The following DHX16 variants were observed in gnomAD, a reference collection of about 807,000 sequenced individuals.
DHX16 encodes the protein DEAH-box helicase 16.
In DHX16, 81 loss-of-function variants were observed where a neutral mutation model predicts 131.2. That is an observed-to-expected ratio of 0.62 (90% CI 0.52 to 0.74). The LOEUF is 0.74. Ranked by LOEUF, DHX16 falls within the 30% of genes least tolerant of loss-of-function variation. DHX16 has a pLI of 0.00. For synonymous variants in DHX16, 440 were observed against 520.2 expected (o/e 0.85, Z 2.10); for missense variants, 980 against 1,363.1 (o/e 0.72, Z 4.43).
In DHX16 at chr6:30,665,731, G is replaced by T; in HGVS notation, c.669C>A (p.Val223=). 6.2e-7 allele frequency: 1 copy of T among 1,608,342 alleles called. No homozygotes were observed. Residue 223 remains valine (V), a splice_region_variant and synonymous_variant, in exon 5 of 20, where the codon GTC becomes GTA. Transcript: ENST00000376442. This position sits in a 1 kb window ranked among gnomAD's most constrained non-coding sequence, Gnocchi z 4.8. ...GGCGAGATTTCTTCCGCAGCTCAGG[G>T]ACCTGAGTTGGGAAAGGACAGTCGA... is the stretch of plus-strand genomic sequence containing the variant. ...KMAEEDRKAM[V]PELRKKSRRE...
rs1168394672 is a variant in DHX16 at position 30,662,076 on chromosome 6, G to A, written c.1544+551C>T. On this transcript the variant is annotated intron_variant, in intron 9 of 19. Coordinates refer to ENST00000376442, the MANE Select transcript of DHX16 (RefSeq NM_003587.5). This position sits in a 1 kb window ranked among gnomAD's most constrained non-coding sequence, Gnocchi z 4.7. ...CCTGCTTGGCCATTTCCAGCACTAA[G>A]AGCTCATTATTCACAGACCAAGCTA... 1.8e-6 allele frequency: 1 copy of A among 569,380 alleles called. No homozygotes were observed. The highest frequency in any genetic ancestry group is 1.9e-5 in the African/African-American group (1 of 53,172). The allele number at this position is 569,380 out of a possible 1,614,324, so 35.3% of individuals were successfully genotyped here.
rs377376289 is a variant in DHX16 at position 30,665,585 on chromosome 6, T to C, written c.815A>G (p.Tyr272Cys). ...GGCGAGATCCCGCACTCGCCGCTTA[T>C]ATTTGAGCTCCTGCCGCTCGTGCCG... is the stretch of plus-strand genomic sequence containing the variant. Reference protein sequence around the residue: ...LSRHERQELKYKRRVRDLARE... With the variant: ...LSRHERQELKCKRRVRDLARE... The change falls in exon 5 of 20, where the codon TAT (tyrosine) becomes TGT (cysteine). Residue 272 changes from tyrosine to cysteine, a missense_variant. Around this residue, in one of 3 missense-constraint regions of DHX16, gnomAD observed 457 missense variants for 554.8 expected, o/e 0.82. Coordinates refer to ENST00000376442, the MANE Select transcript of DHX16 (RefSeq NM_003587.5). This position sits in a 1 kb window ranked among gnomAD's most constrained non-coding sequence, Gnocchi z 4.8. The C allele has an allele frequency of 6.8e-6, 11 of 1,612,910 alleles. No individual in the cohort carries two copies. The highest frequency in any genetic ancestry group is 8.5e-7 in the Non-Finnish European group (1 of 1,180,040).
chr6:30,658,630 G>A (rs982127531), intron 12 of DHX16, among the ~76,000 whole-genome samples: 5 of 151,502 alleles, frequency 3.3e-5, no homozygotes, highest in Non-Finnish European at 7.4e-5. Flanking sequence ...AGAATCACTT[G>A]AGCCTGGGAG....
intron 4 of DHX16, among the ~76,000 whole-genome samples, chr6:30,667,714 G>C (rs1200533031): frequency 2.0e-5 from 3 of 151,908 alleles, no homozygotes; most frequent in African/African-American, 7.3e-5. Context: ...CTAATATATA[G>C]ATACACAACT....
Position 30,670,447 on chromosome 6 carries a change from T to C in DHX16, c.629A>G (p.Lys210Arg). 6.2e-7 allele frequency: 1 copy of C among 1,611,464 alleles called. No individual in the cohort carries two copies. Among genetic ancestry groups the C allele is most frequent in the South Asian group, 1.1e-5 (1 of 90,648 alleles). Residue 210 changes from lysine (K) to arginine (R), a missense_variant, in exon 4 of 20, where the codon AAG becomes AGG. Lys to Arg is a conservative substitution (Grantham distance 26). Around this residue, in one of 3 missense-constraint regions of DHX16, gnomAD observed 457 missense variants for 554.8 expected, o/e 0.82. Coordinates refer to ENST00000376442, the MANE Select transcript of DHX16 (RefSeq NM_003587.5). The surrounding 1 kb of genome is among the most constrained non-coding windows in gnomAD (Gnocchi z 4.4). Reference sequence around the variant, plus strand: ...GTCTTCCTCGGCCATCTTGAGGCGCTTCTGAGCCTCTTCATAAGCCTAGAA... The same window carrying C: ...GTCTTCCTCGGCCATCTTGAGGCGCCTCTGAGCCTCTTCATAAGCCTAGAA... Reference protein sequence around the residue: ...SDKKAYEEAQKRLKMAEEDRK... With the variant: ...SDKKAYEEAQRRLKMAEEDRK...
At position 30,665,884 on chromosome 6, in the gene DHX16, C is replaced by A. The variant is rs1769001194; in HGVS notation, c.667-151G>T. The A allele has an allele frequency of 2.1e-6, 2 of 967,642 alleles. No individual in the cohort carries two copies. Among genetic ancestry groups the A allele is most frequent in the African/African-American group, 1.7e-5 (1 of 60,512 alleles). 59.9% of individuals were successfully genotyped at this position (967,642 alleles called of 1,614,324 possible). ...TTCCCTCTGCAATGCACAACCAAAA[C>A]AATGACATACTCAAATCTGGGCCTC... On this transcript the variant is annotated intron_variant, in intron 4 of 19. Transcript: ENST00000376442. The surrounding 1 kb of genome is among the most constrained non-coding windows in gnomAD (Gnocchi z 4.8).
intron 7 of DHX16, 145 bp downstream of exon 7, chr6:30,664,656 T>G: frequency 1.4e-6 from 1 of 711,666 alleles, no homozygotes; most frequent in Non-Finnish European, 2.3e-6. Flanking sequence ...GTGAAAAGGG[T>G]ATGGTCTTTA....
Position 30,664,603 on chromosome 6 carries a change from C to T in DHX16, c.1317+198G>A, listed in dbSNP as rs565908993. Among the ~76,000 whole-genome samples the T allele has an allele frequency of 3.9e-5, 6 of 152,274 alleles. No individual in the cohort carries two copies. The South Asian group carries it at 1.0e-3, about 26-fold the overall frequency. On this transcript the variant is annotated intron_variant, in intron 7 of 19. Coordinates refer to ENST00000376442, the MANE Select transcript of DHX16 (RefSeq NM_003587.5). Reference sequence around the variant, plus strand: ...GCCCCACTCCACCTATCCATCTACCCGTCCTTCCAAATGAAATGAATGCAG... The same window carrying T: ...GCCCCACTCCACCTATCCATCTACCTGTCCTTCCAAATGAAATGAATGCAG...
chr6:30,665,741 G>A lies in DHX16; in HGVS notation c.667-8C>T. The A allele has an allele frequency of 1.2e-6, 2 of 1,606,580 alleles. No individual in the cohort carries two copies. Among genetic ancestry groups the A allele is most frequent in the South Asian group, 1.1e-5 (1 of 91,054 alleles). The stretch of plus-strand genomic sequence containing the variant: ...CTTCCGCAGCTCAGGGACCTGAGTT[G>A]GGAAAGGACAGTCGAATCCTCATCT... On this transcript the variant is annotated splice_polypyrimidine_tract_variant and splice_region_variant and intron_variant, in intron 4 of 19. Coordinates refer to ENST00000376442, the MANE Select transcript of DHX16 (RefSeq NM_003587.5). The surrounding 1 kb of genome is among the most constrained non-coding windows in gnomAD (Gnocchi z 4.8).
At position 30,656,763 on chromosome 6, in the gene DHX16, GAAAGAAA is replaced by G. The variant is rs765648137; in HGVS notation, c.2149-11_2149-5del. The G allele has an allele frequency of 6.2e-7, 1 of 1,611,816 alleles. No homozygotes were observed. The highest frequency in any genetic ancestry group is 2.2e-5 in the East Asian group (1 of 44,888). On this transcript the variant is annotated splice_polypyrimidine_tract_variant and splice_region_variant and intron_variant, in intron 13 of 19. Transcript: ENST00000376442. The surrounding 1 kb of genome is among the most constrained non-coding windows in gnomAD (Gnocchi z 5.1). The stretch of plus-strand genomic sequence containing the variant: ...CAGCTCGCTGATTGGCTGAGGCCTG[GAAAGAAA>G]GGGGAACAGGCTGGCTGACAATTTG...
Position 30,654,689 on chromosome 6 carries a change from C to A in DHX16, c.2997+17G>T, listed in dbSNP as rs1354116889. On this transcript the variant is annotated intron_variant, in intron 19 of 19. Coordinates refer to ENST00000376442, the MANE Select transcript of DHX16 (RefSeq NM_003587.5). ...TACATAGTCTCCACCTGCGTGGGCACAGGATGTTCTCCTCACCTGTCTCAT... is the reference window on the plus strand; with the variant it reads ...TACATAGTCTCCACCTGCGTGGGCAAAGGATGTTCTCCTCACCTGTCTCAT... 3 of 1,604,574 alleles carry A rather than the reference C, an allele frequency of 1.9e-6. No homozygotes were observed. The highest frequency in any genetic ancestry group is 2.6e-6 in the Non-Finnish European group (3 of 1,175,438).
rs781655072 is a variant in DHX16, at chr6:30,662,598, G to A, written c.1544+29C>T. ...GGCTGAATTGGCTGGGTGGGAAGAA[G>A]GGAGAGAAAGGCCAGAGATTAGAGA... On this transcript the variant is annotated intron_variant, in intron 9 of 19. Transcript: ENST00000376442. This position sits in a 1 kb window ranked among gnomAD's most constrained non-coding sequence, Gnocchi z 4.7. 6.4e-7 allele frequency: 1 copy of A among 1,569,330 alleles called. No individual in the cohort carries two copies. The highest frequency in any genetic ancestry group is 8.8e-7 in the Non-Finnish European group (1 of 1,140,776).
In DHX16 at chr6:30,655,206, G is replaced by A; in HGVS notation, c.2792C>T (p.Ser931Phe). 1 of 1,614,178 alleles carries A rather than the reference G, an allele frequency of 6.2e-7. No homozygotes were observed. Among genetic ancestry groups the A allele is most frequent in the Non-Finnish European group, 8.5e-7 (1 of 1,180,048 alleles). ...TACACGGATATAGTCCCCCTGGCAG[G>A]AACTGAGACCAACTTCCACACGTTC... ...LLERVEVGLS[S>F]CQGDYIRVRK... Residue 931 changes from serine to phenylalanine, a missense_variant, in exon 18 of 20, where the codon TCC becomes TTC. Ser to Phe is a radical substitution (Grantham distance 155). Transcript: ENST00000376442.
chr6:30,668,679 C>A (rs1769256274), intron 4 of DHX16, among the ~76,000 whole-genome samples: 1 of 151,646 alleles, frequency 6.6e-6, no homozygotes, highest in Middle Eastern at 3.4e-3. Flanking sequence ...TAAATTCAGG[C>A]CAAAACAGTA....
In DHX16 at chr6:30,665,657, G is replaced by A. The variant is rs1768978708; in HGVS notation, c.743C>T (p.Ala248Val). 6 of 1,612,652 alleles carry A rather than the reference G, an allele frequency of 3.7e-6. No individual in the cohort carries two copies. In the African/African-American group the frequency reaches 4.0e-5, roughly 11 times the overall value. The change falls in exon 5 of 20, where the codon GCG becomes GTG. Residue 248 changes from alanine (A) to valine (V), a missense_variant. This residue lies in a region of DHX16 where 457 missense variants were observed against 554.8 expected (regional missense o/e 0.82). Coordinates refer to ENST00000376442, the MANE Select transcript of DHX16 (RefSeq NM_003587.5). This position sits in a 1 kb window ranked among gnomAD's most constrained non-coding sequence, Gnocchi z 4.8. ...REREKLEDLE[A>V]ELADEEFLFG... Reference sequence around the variant, plus strand: ...AAGGAACTCCTCATCAGCCAGCTCCGCCTCCAGGTCCTCAAGCTTCTCTCG... The same window carrying A: ...AAGGAACTCCTCATCAGCCAGCTCCACCTCCAGGTCCTCAAGCTTCTCTCG...
chr6:30,664,560 A>T (rs1180132013), intron 7 of DHX16, among the ~76,000 whole-genome samples: 1 of 151,746 alleles, frequency 6.6e-6, no homozygotes. Flanking sequence ...GAGCATAGGG[A>T]GGTCCACATT....
chr6:30,662,809 T>C lies in DHX16; in HGVS notation c.1429-67A>G, dbSNP rs555659025. The C allele has an allele frequency of 6.4e-7, 1 of 1,565,692 alleles. No individual in the cohort carries two copies. Among genetic ancestry groups the C allele is most frequent in the Non-Finnish European group, 8.8e-7 (1 of 1,139,418 alleles). On this transcript the variant is annotated intron_variant, in intron 8 of 19. Coordinates refer to ENST00000376442, the MANE Select transcript of DHX16 (RefSeq NM_003587.5). The surrounding 1 kb of genome is among the most constrained non-coding windows in gnomAD (Gnocchi z 4.7). ...GCCCTGAAAGGAACTTGGGGAAAGG[T>C]GAAGTGGGGCAGCACCAAGACTTCT...
chr6:30,654,858 A>G lies in DHX16; in HGVS notation c.2845T>C (p.Tyr949His), dbSNP rs781088161. The change falls in exon 19 of 20, where the codon TAC becomes CAC. Residue 949 changes from tyrosine to histidine, a missense_variant. Around this residue, in one of 3 missense-constraint regions of DHX16, gnomAD observed 214 missense variants for 271.2 expected, o/e 0.79. Coordinates refer to ENST00000376442, the MANE Select transcript of DHX16 (RefSeq NM_003587.5). ...VRKAITAGYF[Y>H]HTARLTRSGY... ...CTCCGAGTCAACCGTGCCGTGTGGT[A>G]AAAGTAACCAGCAGTGATGGCCTAA... 2.9e-5 allele frequency: 46 copies of G among 1,612,664 alleles called. No individual in the cohort carries two copies.
intron 19 of DHX16, among the ~76,000 whole-genome samples, chr6:30,654,115 CAAAAAAAAGAAAA>C (rs1014887617): frequency 6.8e-6 from 1 of 147,930 alleles, no homozygotes; most frequent in Non-Finnish European, 1.5e-5. Context: ...ACGGAACTCT[CAAAAAAAAGAAAA>C]GCCTAGAACA....
Sources: allele counts gnomAD v4.1 joint callset (sites outside exome capture counted in the v4.1 genomes callset), GRCh38; gene constraint gnomAD v4.1.1; regional missense constraint gnomAD v4.1.1; non-coding constraint Gnocchi (gnomAD v3.1); transcripts MANE v1.5; gene names NCBI Gene and HGNC (gene_info 2026-07-23, HGNC 2026-07-21).